Variants in NOC3L observed in about 807,000 individuals in gnomAD.
The protein encoded by NOC3L is NOC3 like DNA replication regulator, also known as nucleolar complex protein 3 homolog.
NOC3L carries 85 observed loss-of-function variants against 102.5 expected under a neutral mutation model. The observed-to-expected ratio is 0.83, with a 90% CI of 0.70 to 0.99. NOC3L has a LOEUF of 0.99. Among genes scored for constraint, NOC3L ranks in the 50% least tolerant of loss-of-function variants. The probability of loss-of-function intolerance (pLI) is 0.00; values close to 1 mark genes in which losing one functional copy is unlikely to be tolerated. For synonymous variants in NOC3L, 303 were observed against 309.4 expected (o/e 0.98, Z 0.22); for missense variants, 878 against 914.9 (o/e 0.96, Z 0.52).
At chr10:94,344,608 T>C in intron 12 of NOC3L, 93 bp from the exon 13 acceptor site, 1 of 811,422 alleles carries the variant, frequency 1.2e-6, no homozygotes, top group Non-Finnish European at 2.0e-6. Context: ...TTAACTTTTT[T>C]CCCTACCCAT....
Position 94,356,544 on chromosome 10 carries a change from G to T in NOC3L, c.556C>A (p.Leu186Ile). 6.3e-7 allele frequency: 1 copy of T among 1,580,288 alleles called. No individual in the cohort carries two copies. The highest frequency in any genetic ancestry group is 8.7e-7 in the Non-Finnish European group (1 of 1,150,764). ...TGTAAAGACATATTACCTTCCTCAA[G>T]TTCCCTCTCTTCTTCTTGATCCTCT... The part of the protein sequence containing the change: ...DEEDQEEERE[L>I]EEEIIEDPIQ... Residue 186 changes from leucine (L) to isoleucine (I), a missense_variant, in exon 5 of 21, where the codon CTT becomes ATT. Physicochemically the swap from Leu to Ile is conservative, Grantham distance 5. Coordinates refer to ENST00000371361, the MANE Select transcript of NOC3L (RefSeq NM_022451.11).
chr10:94,359,610 T>C (rs1479687939), intron 2 of NOC3L, among the ~76,000 whole-genome samples: 3 of 152,082 alleles, frequency 2.0e-5, no homozygotes, highest in African/African-American at 4.8e-5. Flanking sequence ...AAAGAAGACA[T>C]ACAAATGGCA....
In NOC3L at chr10:94,334,185, G is replaced by C. The variant is rs774185927; in HGVS notation, c.2395C>G (p.Leu799Val). 2 of 1,380,682 alleles carry C rather than the reference G, an allele frequency of 1.4e-6. 1 individual carries two copies. Among genetic ancestry groups the C allele is most frequent in the South Asian group, 2.3e-5 (2 of 85,766 alleles). 85.5% of individuals were successfully genotyped at this position (1,380,682 alleles called of 1,614,324 possible). A position where few individuals can be genotyped will look rare whatever the true frequency, so the allele number is the denominator to read the frequency against. Residue 799 changes from leucine to valine, a missense_variant, in exon 21 of 21, where the codon CTA becomes GTA. Transcript: ENST00000371361. ...CTGACTTCATTCCTCTACTAGTGTAGTGATGTTTTCAAATATTTCGTGAAA... is the reference window on the plus strand; with the variant it reads ...CTGACTTCATTCCTCTACTAGTGTACTGATGTTTTCAAATATTTCGTGAAA... Reference protein sequence around the residue: ...LDFTKYLKTSLH With the variant: ...LDFTKYLKTSVH
chr10:94,358,417 G>A (rs2054513941), intron 2 of NOC3L, among the ~76,000 whole-genome samples: 1 of 152,216 alleles, frequency 6.6e-6, no homozygotes, highest in African/African-American at 2.4e-5. Context: ...AAGAACTACT[G>A]ATATGCTAGG....
chr10:94,336,781 AT>A (rs2054223532), intron 19 of NOC3L, among the ~76,000 whole-genome samples: 2 of 151,264 alleles, frequency 1.3e-5, no homozygotes, highest in South Asian at 4.2e-4. Flanking sequence ...AAAAAAGGTA[AT>A]TACTGGCTGG....
chr10:94,328,938 A>T (rs746858274), downstream of NOC3L: 4 of 152,244 alleles, frequency 2.6e-5, no homozygotes, highest in Non-Finnish European at 5.9e-5. Context: ...AAGAAACCTA[A>T]CAATTTTTTA....
chr10:94,362,439 T>C (rs920257693), intron 1 of NOC3L, among the ~76,000 whole-genome samples: 5 of 152,200 alleles, frequency 3.3e-5, no homozygotes, highest in Non-Finnish European at 7.4e-5. Flanking sequence ...GGACTACCTC[T>C]TATTTTCTGG....
At chr10:94,352,235 C>T in intron 8 of NOC3L, 75 bp downstream of exon 8, 1 of 1,034,160 alleles carries the variant, frequency 9.7e-7, no homozygotes, top group Non-Finnish European at 1.5e-6. Flanking sequence ...CTACACAACA[C>T]AGAACACTGT....
the NOC3L span, among the ~76,000 whole-genome samples, chr10:94,318,947 C>T: frequency 2.6e-5 from 4 of 152,174 alleles, no homozygotes; most frequent in East Asian, 7.7e-4. Context: ...ACTCAGGAAG[C>T]TGAGGCAGGA....
intron 2 of NOC3L, 142 bp downstream of exon 2, chr10:94,361,523 G>GTCC: frequency 1.4e-6 from 1 of 704,350 alleles, no homozygotes; most frequent in South Asian, 1.8e-5. Flanking sequence ...CTTTATAGCA[G>GTCC]TCCTATAGGA....
the NOC3L span, among the ~76,000 whole-genome samples, chr10:94,319,153 G>A: frequency 3.3e-5 from 5 of 152,176 alleles, no homozygotes; most frequent in Admixed American, 1.3e-4. Context: ...GCATAAATCA[G>A]AAGGGAAGGC....
chr10:94,320,262 CT>C, the NOC3L span, among the ~76,000 whole-genome samples: 2 of 152,006 alleles, frequency 1.3e-5, no homozygotes, highest in Non-Finnish European at 2.9e-5. Context: ...TCTTCCCCCC[CT>C]TCCATTATAT....
intron 6 of NOC3L, 35 bp downstream of exon 6, chr10:94,354,927 TA>T: frequency 1.2e-6 from 2 of 1,600,622 alleles, no homozygotes; most frequent in Non-Finnish European, 1.7e-6. Flanking sequence ...ACACCATACC[TA>T]ATACAAAGAG....
At chr10:94,343,140 G>A (rs1444366599) in intron 13 of NOC3L, among the ~76,000 whole-genome samples, 1 of 151,638 alleles carries the variant, frequency 6.6e-6, no homozygotes, top group Non-Finnish European at 1.5e-5. Flanking sequence ...ACATATATAG[G>A]AGGGGGAGCT....
In NOC3L at chr10:94,355,051, T is replaced by C; in HGVS notation, c.608A>G (p.His203Arg). 6.2e-7 allele frequency: 1 copy of C among 1,612,776 alleles called. No homozygotes were observed. Among genetic ancestry groups the C allele is most frequent in the Non-Finnish European group, 8.5e-7 (1 of 1,179,338 alleles). The change falls in exon 6 of 21, where the codon CAT becomes CGT. Residue 203 changes from histidine (H) to arginine (R), a missense_variant. His to Arg is a conservative substitution (Grantham distance 29). Coordinates refer to ENST00000371361, the MANE Select transcript of NOC3L (RefSeq NM_022451.11). ...DPIQELTIEE[H>R]LIERKKKLQE... is the part of the protein sequence containing the mutation. Reference sequence around the variant, plus strand: ...TAATTTCTTCTTTCTCTCAATCAAATGTTCTTCTATGGTCAGCTCTTGAAT... The same window carrying C: ...TAATTTCTTCTTTCTCTCAATCAAACGTTCTTCTATGGTCAGCTCTTGAAT...
rs760499883 is a variant in NOC3L, at chr10:94,339,829, A to G, written c.1872T>C (p.Leu624=). The G allele has an allele frequency of 6.2e-7, 1 of 1,614,098 alleles. No individual in the cohort carries two copies. Among genetic ancestry groups the G allele is most frequent in the Non-Finnish European group, 8.5e-7 (1 of 1,180,030 alleles). Residue 624 remains leucine (L), a synonymous_variant, in exon 17 of 21, where the codon CTT becomes CTC. Coordinates refer to ENST00000371361, the MANE Select transcript of NOC3L (RefSeq NM_022451.11). ...RRKQVSQQRA[L]AFIKRLCTLA... ...GGGTACAAAGGCGTTTGATGAAGGC[A>G]AGAGCTCGCTGCTGAGAAACTTGCT...
chr10:94,329,759 A>G (rs1162614468), downstream of NOC3L: 1 of 130,276 alleles, frequency 7.7e-6, no homozygotes, highest in Non-Finnish European at 1.6e-5. Context: ...GCCTGGTGAC[A>G]GAGCGAGACT....
intron 8 of NOC3L, among the ~76,000 whole-genome samples, chr10:94,351,375 T>C (rs1247982085): frequency 6.6e-6 from 1 of 152,174 alleles, no homozygotes; most frequent in African/African-American, 2.4e-5. Context: ...TGAAAACACC[T>C]GGCCTAGGCA....
the NOC3L span, among the ~76,000 whole-genome samples, chr10:94,315,924 A>C: frequency 6.6e-6 from 1 of 151,554 alleles, no homozygotes; most frequent in Non-Finnish European, 1.5e-5. Flanking sequence ...CAAGGGATTA[A>C]GTATCTTACC....
Sources: gnomAD v4.1 joint callset for allele counts (sites outside exome capture counted in the v4.1 genomes callset) on GRCh38, gnomAD v4.1.1 for gene constraint, MANE v1.5 for transcripts, NCBI Gene and HGNC (gene_info 2026-07-23, HGNC 2026-07-21) for gene names.